The following IQCH variants were observed in gnomAD, a reference collection of about 807,000 sequenced individuals.
The protein encoded by IQCH is IQ motif containing H.
Under a neutral mutation model 117.0 loss-of-function variants are expected in IQCH, and 98 were observed. The observed-to-expected ratio is 0.84, with a 90% CI of 0.71 to 0.99. The LOEUF is 0.99. Ranked by LOEUF, IQCH falls within the 50% of genes least tolerant of loss-of-function variation. The pLI is 0.00. For missense variants in IQCH, 1,102 were observed against 1,243.8 expected, an observed-to-expected ratio of 0.89 and a Z score of 1.72; for synonymous variants, 412 against 448.2, an observed-to-expected ratio of 0.92 and a Z score of 1.02.
chr15:67,467,209 T>C lies in IQCH; in HGVS notation c.2676+1912T>C, dbSNP rs1191443852. 1.3e-5 allele frequency among the ~76,000 whole-genome samples: 2 copies of C among 151,928 alleles called. No homozygotes were observed. Among genetic ancestry groups the C allele is most frequent in the African/African-American group, 4.8e-5 (2 of 41,364 alleles). ...TTGTACTCCAGCCTAGTTGACAGAG[T>C]GAGACTCTGTCTCAAAAAATAAAAA... On this transcript the variant is annotated intron_variant, in intron 17 of 20. Coordinates refer to ENST00000335894, the MANE Select transcript of IQCH (RefSeq NM_001031715.3). This position sits in a 1 kb window ranked among gnomAD's most constrained non-coding sequence, Gnocchi z 5.7.
chr15:67,478,817 G>T (rs148338864), intron 18 of IQCH, among the ~76,000 whole-genome samples: 2 of 151,692 alleles, frequency 1.3e-5, no homozygotes, highest in Non-Finnish European at 2.9e-5. Context: ...CTAGCTACTC[G>T]GGAGGCTGAG....
Position 67,454,059 on chromosome 15 carries a change from G to A in IQCH, c.2506-11068G>A, listed in dbSNP as rs2082599318. 6.6e-6 allele frequency among the ~76,000 whole-genome samples: 1 copy of A among 152,206 alleles called. No individual in the cohort carries two copies. The highest frequency in any genetic ancestry group is 2.4e-5 in the African/African-American group (1 of 41,454). The stretch of plus-strand genomic sequence containing the variant: ...GAGGGATATAATCTCCTGGTGTGCT[G>A]TTTTTTAAGCCCGTTGGAAAAGCGC... On this transcript the variant is annotated intron_variant, in intron 16 of 20. Transcript: ENST00000335894. The surrounding 1 kb of genome is among the most constrained non-coding windows in gnomAD (Gnocchi z 5.2).
At chr15:67,255,561 A>G (rs1965133590) in intron 1 of IQCH, among the ~76,000 whole-genome samples, 1 of 152,250 alleles carries the variant, frequency 6.6e-6, no homozygotes, top group Non-Finnish European at 1.5e-5. Context: ...TGTTTCTGAA[A>G]TGATCATGGC....
rs1969204805 is a variant in IQCH at position 67,342,188 on chromosome 15, G to A, written c.509-1875G>A. Among the ~76,000 whole-genome samples, 1 of 151,864 alleles carries A rather than the reference G, an allele frequency of 6.6e-6. No homozygotes were observed. Among genetic ancestry groups the A allele is most frequent in the Non-Finnish European group, 1.5e-5 (1 of 67,990 alleles). ...AGGATAAGGCAGGAGGATCACTTTAGCCCAGGTATTCAAGGGTGCAGTGAG... is the reference window on the plus strand; with the variant it reads ...AGGATAAGGCAGGAGGATCACTTTAACCCAGGTATTCAAGGGTGCAGTGAG... On this transcript the variant is annotated intron_variant, in intron 5 of 20. Coordinates refer to ENST00000335894, the MANE Select transcript of IQCH (RefSeq NM_001031715.3). The surrounding 1 kb of genome is among the most constrained non-coding windows in gnomAD (Gnocchi z 4.7).
chr15:67,351,254 C>G (rs1442906692), intron 6 of IQCH, among the ~76,000 whole-genome samples: 1 of 152,038 alleles, frequency 6.6e-6, no homozygotes, highest in Non-Finnish European at 1.5e-5. Flanking sequence ...CCCCACCCCC[C>G]AACAGTCCCT....
At chr15:67,344,771 T>C (rs1969313989) in intron 6 of IQCH, among the ~76,000 whole-genome samples, 1 of 152,220 alleles carries the variant, frequency 6.6e-6, no homozygotes, top group Admixed American at 6.5e-5. Context: ...TTGTACATAC[T>C]GGAACAGTCC....
intron 4 of IQCH, among the ~76,000 whole-genome samples, chr15:67,320,256 A>G (rs1968052264): frequency 6.6e-6 from 1 of 152,280 alleles, no homozygotes; most frequent in Non-Finnish European, 1.5e-5. Context: ...GACCCCAGCC[A>G]GTATTTAAAC....
intron 5 of IQCH, 135 bp downstream of exon 5, chr15:67,337,230 A>G (rs1052508019): frequency 1.6e-5 from 14 of 865,278 alleles, no homozygotes; most frequent in Non-Finnish European, 2.3e-5. Flanking sequence ...TCAGGTCCTC[A>G]CTCTGGTCTG....
chr15:67,284,630 T>C (rs1027072361), intron 4 of IQCH, among the ~76,000 whole-genome samples: 61 of 152,198 alleles, frequency 4.0e-4, no homozygotes, highest in African/African-American at 1.4e-3. Flanking sequence ...CTCCCTCCAA[T>C]AGGACCCAGT....
At chr15:67,371,438 C>A in intron 8 of IQCH, 1 of 1,450,486 alleles carries the variant, frequency 6.9e-7, no homozygotes, top group Non-Finnish European at 9.1e-7. Context: ...ATTTGTGATC[C>A]TAATCCACCT....
intron 4 of IQCH, among the ~76,000 whole-genome samples, chr15:67,284,105 G>A (rs1966468496): frequency 6.6e-6 from 1 of 152,012 alleles, no homozygotes; most frequent in Non-Finnish European, 1.5e-5. Context: ...ACTGACTATA[G>A]TTGCTCTGTT....
At position 67,417,928 on chromosome 15, in the gene IQCH, TAAC is replaced by T. The variant is rs1322870769; in HGVS notation, c.2218+879_2218+881del. ...GATAAGATAATGTCATGTCAGATGA[TAAC>T]AGCAGCAGCAATAGCACAGTGATGA... On this transcript the variant is annotated intron_variant, in intron 15 of 20. Coordinates refer to ENST00000335894, the MANE Select transcript of IQCH (RefSeq NM_001031715.3). This position sits in a 1 kb window ranked among gnomAD's most constrained non-coding sequence, Gnocchi z 4.3. Among the ~76,000 whole-genome samples, 5 of 152,334 alleles carry T rather than the reference TAAC, an allele frequency of 3.3e-5. No homozygotes were observed. Among genetic ancestry groups the T allele is most frequent in the Non-Finnish European group, 5.9e-5 (4 of 68,032 alleles).
intron 10 of IQCH, among the ~76,000 whole-genome samples, chr15:67,375,035 G>A (rs1012998919): frequency 6.6e-6 from 1 of 152,138 alleles, no homozygotes; most frequent in Non-Finnish European, 1.5e-5. Flanking sequence ...AAACTTCCAT[G>A]CAGTCTGCTC....
rs566185911 is a variant in IQCH, at chr15:67,485,334, A to AC, written c.2800-4668dup. ...GGTTATCAGAACAAATGACTAGCGA[A>AC]CTAGAAAACAAGCCAGTAGAAAAAA... On this transcript the variant is annotated intron_variant, in intron 18 of 20. Coordinates refer to ENST00000335894, the MANE Select transcript of IQCH (RefSeq NM_001031715.3). Among the ~76,000 whole-genome samples, 594 of 152,360 alleles carry AC rather than the reference A, an allele frequency of 3.9e-3. 2 individuals are homozygous for AC. The highest frequency in any genetic ancestry group is 6.8e-3 in the Non-Finnish European group (464 of 68,016).
intron 4 of IQCH, among the ~76,000 whole-genome samples, chr15:67,321,157 G>C (rs968624744): frequency 6.6e-6 from 1 of 151,860 alleles, no homozygotes; most frequent in East Asian, 1.9e-4. Flanking sequence ...TGTTTTTTGT[G>C]GGGGATTGGG....
intron 4 of IQCH, among the ~76,000 whole-genome samples, chr15:67,318,692 A>G (rs1212217659): frequency 6.6e-6 from 1 of 152,214 alleles, no homozygotes; most frequent in Non-Finnish European, 1.5e-5. Flanking sequence ...AGAAAAATTG[A>G]TAGATCAATG....
Position 67,496,150 on chromosome 15 carries a change from CTACAAAAAT to C in IQCH, c.2970+1796_2970+1804del, listed in dbSNP as rs2083802017. 6.6e-6 allele frequency among the ~76,000 whole-genome samples: 1 copy of C among 151,944 alleles called. No individual in the cohort carries two copies. Among genetic ancestry groups the C allele is most frequent in the Admixed American group, 6.6e-5 (1 of 15,234 alleles). The stretch of plus-strand genomic sequence containing the variant: ...TGGGCAACATGGTGAAACCCCATCT[CTACAAAAAT>C]TACAAAAATTAGCCAGGTGTGGTGG... On this transcript the variant is annotated intron_variant, in intron 20 of 20. Transcript: ENST00000335894. This position sits in a 1 kb window ranked among gnomAD's most constrained non-coding sequence, Gnocchi z 4.4.
rs540759704 is a variant in IQCH, at chr15:67,390,752, G to T, written c.1632+1746G>T. Among the ~76,000 whole-genome samples the T allele has an allele frequency of 6.6e-6, 1 of 152,174 alleles. No homozygotes were observed. Among genetic ancestry groups the T allele is most frequent in the Non-Finnish European group, 1.5e-5 (1 of 68,014 alleles). On this transcript the variant is annotated intron_variant, in intron 12 of 20. Transcript: ENST00000335894. This position sits in a 1 kb window ranked among gnomAD's most constrained non-coding sequence, Gnocchi z 5.0. ...GATCCGCCTGCCTTGGCCTCCCAAA[G>T]TGCTGGGGTTACAGGTGTGAGCCAC...
rs138678108 is a variant in IQCH, at chr15:67,324,537, G to A, written c.388-12438G>A. ...AGACAGGAGAATTGCTTGAACCCAG[G>A]AGGCGGAGGTTGCAGTGAGCAAAGA... is the stretch of plus-strand genomic sequence containing the variant. On this transcript the variant is annotated intron_variant, in intron 4 of 20. Coordinates refer to ENST00000335894, the MANE Select transcript of IQCH (RefSeq NM_001031715.3). Among the ~76,000 whole-genome samples the A allele has an allele frequency of 6.8e-4, 102 of 150,078 alleles. 4 individuals carry two copies. In the East Asian group the frequency reaches 0.012, roughly 18 times the overall value.
Sources: allele counts gnomAD v4.1 joint callset (sites outside exome capture counted in the v4.1 genomes callset), GRCh38; gene constraint gnomAD v4.1.1; non-coding constraint Gnocchi (gnomAD v3.1); transcripts MANE v1.5; gene names NCBI Gene and HGNC (gene_info 2026-07-23, HGNC 2026-07-21).